NFIA: variants seen among roughly 807,000 people sequenced by gnomAD.
NFIA encodes nuclear factor I A, also known as nuclear factor 1 A-type.
NFIA carries 8 observed loss-of-function variants against 62.8 expected under a neutral mutation model. The ratio of observed to expected loss-of-function variants is 0.13; its 90% confidence interval spans 0.07 to 0.23. The LOEUF (loss-of-function observed/expected upper bound fraction) is 0.23, where lower values mean the gene tolerates loss of function less well. NFIA is among the 10% of genes least tolerant of loss of function. The pLI is 1.00. For missense variants in NFIA, 410 were observed against 642.1 expected, an observed-to-expected ratio of 0.64 and a Z score of 3.91; for synonymous variants, 235 against 238.1, an observed-to-expected ratio of 0.99 and a Z score of 0.12.
At chr1:61,257,892 T>TG (rs1553166050) in intron 2 of NFIA, among the ~76,000 whole-genome samples, 1 of 150,182 alleles carries the variant, frequency 6.7e-6, no homozygotes, top group Non-Finnish European at 1.5e-5. Flanking sequence ...TTTCTTTTTT[T>TG]TTTTTCCTGA....
chr1:61,364,934 G>C (rs1351919450), intron 6 of NFIA, among the ~76,000 whole-genome samples: 1 of 152,156 alleles, frequency 6.6e-6, no homozygotes, highest in Non-Finnish European at 1.5e-5. Flanking sequence ...AGAGAACCCT[G>C]GCCGGGCATG....
chr1:61,276,248 AG>A (rs1308941169), intron 2 of NFIA, among the ~76,000 whole-genome samples: 3 of 152,226 alleles, frequency 2.0e-5, no homozygotes, highest in African/African-American at 7.2e-5. Context: ...GCTTAAAAGC[AG>A]GGAGTCTTTT....
chr1:61,348,103 T>G (rs945899572), intron 4 of NFIA, among the ~76,000 whole-genome samples: 1 of 152,218 alleles, frequency 6.6e-6, no homozygotes, highest in Non-Finnish European at 1.5e-5. Context: ...AAGCTCTTTC[T>G]GTTCTCCAGA....
At chr1:61,455,206 T>TA (rs1668244581) in intron 10 of NFIA, 97 bp from the exon 11 acceptor site, 1 of 1,283,988 alleles carries the variant, frequency 7.8e-7, no homozygotes, top group Non-Finnish European at 1.1e-6. Flanking sequence ...CCCGCATCCC[T>TA]AACGTAGATC....
At chr1:61,079,479 A>G (rs1239482788), upstream of NFIA, among the ~76,000 whole-genome samples, 2 of 152,244 alleles carry the variant, frequency 1.3e-5, no homozygotes, top group Non-Finnish European at 2.9e-5. Context: ...AGTAAATGCA[A>G]GGCTGGGCTC....
intron 2 of NFIA, among the ~76,000 whole-genome samples, chr1:61,206,641 T>C (rs187264567): frequency 1.3e-5 from 2 of 152,354 alleles, no homozygotes; most frequent in East Asian, 3.9e-4. Context: ...TCTGACCAGA[T>C]AGAATTTCTT....
chr1:61,300,016 T>G (rs550587392), intron 3 of NFIA, among the ~76,000 whole-genome samples: 73 of 152,194 alleles, frequency 4.8e-4, no homozygotes, highest in African/African-American at 1.7e-3. Flanking sequence ...CCAGTAAAAG[T>G]TTCTGGAACT....
At chr1:61,214,496 G>C (rs1170002585) in intron 2 of NFIA, among the ~76,000 whole-genome samples, 2 of 152,114 alleles carry the variant, frequency 1.3e-5, no homozygotes, top group Non-Finnish European at 2.9e-5. Context: ...CTTGCTAAGT[G>C]CCCACATATT....
At chr1:61,145,577 G>A (rs565182382) in intron 2 of NFIA, among the ~76,000 whole-genome samples, 1 of 152,170 alleles carries the variant, frequency 6.6e-6, no homozygotes, top group African/African-American at 2.4e-5. Context: ...TGCCCTCTTG[G>A]TATATACTTA....
chr1:61,086,969 G>T (rs557978388), intron 1 of NFIA, among the ~76,000 whole-genome samples: 1 of 152,070 alleles, frequency 6.6e-6, no homozygotes, highest in African/African-American at 2.4e-5. Flanking sequence ...TCTATGTTTT[G>T]GAGAGGGGGT....
intron 6 of NFIA, among the ~76,000 whole-genome samples, chr1:61,367,653 A>G (rs1045123461): frequency 2.0e-5 from 3 of 152,184 alleles, no homozygotes; most frequent in African/African-American, 7.2e-5. Flanking sequence ...TTACCAAATG[A>G]GCACTGTAAC....
At chr1:61,235,812 CAAAA>C (rs199585835) in intron 2 of NFIA, among the ~76,000 whole-genome samples, 2 of 106,378 alleles carry the variant, frequency 1.9e-5, no homozygotes, top group Non-Finnish European at 2.0e-5. Flanking sequence ...GATCCTGTCT[CAAAA>C]AAAAAAAAAA....
At chr1:61,449,913 T>TA (rs1271135572) in intron 10 of NFIA, among the ~76,000 whole-genome samples, 2 of 152,198 alleles carry the variant, frequency 1.3e-5, no homozygotes, top group Non-Finnish European at 2.9e-5. Flanking sequence ...CTCTCATGAA[T>TA]ACAGACTGGT....
chr1:61,250,820 T>A (rs1279677515), intron 2 of NFIA, among the ~76,000 whole-genome samples: 1 of 152,204 alleles, frequency 6.6e-6, no homozygotes, highest in East Asian at 1.9e-4. Context: ...TACTACAGGA[T>A]AACATGATTG....
intron 10 of NFIA, among the ~76,000 whole-genome samples, chr1:61,433,908 A>G (rs1284752055): frequency 6.6e-6 from 1 of 152,200 alleles, no homozygotes; most frequent in African/African-American, 2.4e-5. Context: ...TAAGCCATTC[A>G]GCACCTGCTG....
upstream of NFIA, chr1:61,077,431 C>T (rs1388912835): frequency 4.7e-6 from 2 of 422,452 alleles, no homozygotes; most frequent in African/African-American, 2.0e-5. Context: ...TTGCAAAAGC[C>T]TTCTGATTTG....
chr1:61,102,888 T>A (rs1366382053), intron 2 of NFIA, among the ~76,000 whole-genome samples: 1 of 152,170 alleles, frequency 6.6e-6, no homozygotes, highest in Non-Finnish European at 1.5e-5. Flanking sequence ...GATCTTTGAT[T>A]CCTTGAGCTT....
At chr1:61,081,712 A>G (rs1280463001), upstream of NFIA, 2 of 575,896 alleles carry the variant, frequency 3.5e-6, no homozygotes. Context: ...CCCGCCCCCC[A>G]AATCCGGTGA....
intron 2 of NFIA, among the ~76,000 whole-genome samples, chr1:61,155,523 A>G (rs923471186): frequency 6.7e-6 from 1 of 149,684 alleles, no homozygotes; most frequent in Non-Finnish European, 1.5e-5. Flanking sequence ...AATACAAAAA[A>G]TTAGCCGGGC....
Sources: allele counts gnomAD v4.1 joint callset (sites outside exome capture counted in the v4.1 genomes callset), GRCh38; gene constraint gnomAD v4.1.1; transcripts MANE v1.5; gene names NCBI Gene and HGNC (gene_info 2026-07-23, HGNC 2026-07-21).